Variants in CDK5RAP3 observed in about 807,000 individuals in gnomAD.
The protein encoded by CDK5RAP3 is CDK5 regulatory subunit-associated protein 3.
A neutral mutation model predicts 73.3 loss-of-function variants in CDK5RAP3; 58 were observed. That is an observed-to-expected ratio of 0.79 (90% CI 0.64 to 0.98). The LOEUF (loss-of-function observed/expected upper bound fraction) is 0.98, where lower values mean the gene tolerates loss of function less well. Among genes scored for constraint, CDK5RAP3 ranks in the 50% least tolerant of loss-of-function variants. The pLI, the probability that CDK5RAP3 is intolerant of heterozygous loss-of-function variation, is 0.00. For synonymous variants in CDK5RAP3, 224 were observed against 247.5 expected, an observed-to-expected ratio of 0.91 and a Z score of 0.89; for missense variants, 525 against 615.8, an observed-to-expected ratio of 0.85 and a Z score of 1.56.
chr17:47,973,224 G>T (rs1341633333), intron 2 of CDK5RAP3, among the ~76,000 whole-genome samples: 1 of 152,140 alleles, frequency 6.6e-6, no homozygotes, highest in Non-Finnish European at 1.5e-5. Context: ...ATATTATGGG[G>T]AATTGAGAAT....
chr17:47,976,702 C>T lies in CDK5RAP3; in HGVS notation c.799-10C>T, dbSNP rs202199464. ...TCTTCCATGAGCTAACACTCTCTTT[C>T]CCTTTCCAGATTGACTGGGGCGACT... is the stretch of plus-strand genomic sequence containing the variant. On this transcript the variant is annotated splice_polypyrimidine_tract_variant and intron_variant, in intron 8 of 13. Coordinates refer to ENST00000338399, the MANE Select transcript of CDK5RAP3 (RefSeq NM_176096.3). 1,656 of 1,583,514 alleles carry T rather than the reference C, an allele frequency of 1.0e-3. 2 individuals are homozygous for T. The highest frequency in any genetic ancestry group is 1.3e-3 in the Non-Finnish European group (1,525 of 1,153,956).
rs2036393944 is a variant in CDK5RAP3, at chr17:47,975,776, G to C, written c.654-93G>C. On this transcript the variant is annotated intron_variant, in intron 7 of 13. Coordinates refer to ENST00000338399, the MANE Select transcript of CDK5RAP3 (RefSeq NM_176096.3). ...CTCTTTACACACCTGAACCTGTGGG[G>C]GCCTTGCCCATTTGACCATGTGGCC... 4 of 1,594,762 alleles carry C rather than the reference G, an allele frequency of 2.5e-6. No individual in the cohort carries two copies. In the South Asian group the frequency reaches 4.5e-5, roughly 18 times the overall value.
intron 2 of CDK5RAP3, 109 bp downstream of exon 2, chr17:47,971,516 TGA>T: frequency 1.9e-6 from 2 of 1,079,504 alleles, no homozygotes; most frequent in Non-Finnish European, 2.6e-6. Flanking sequence ...GTCGAGATGC[TGA>T]CCACTGGCCT....
intron 5 of CDK5RAP3, 95 bp from the exon 6 acceptor site, chr17:47,975,064 G>A (rs991113915): frequency 3.7e-6 from 6 of 1,610,330 alleles, no homozygotes; most frequent in South Asian, 3.3e-5. Flanking sequence ...AGCTGACTTC[G>A]TGCTCTTCAC....
rs768398799 is a variant in CDK5RAP3, at chr17:47,975,183, G to A, written c.359G>A (p.Arg120Gln). 16 of 1,614,000 alleles carry A rather than the reference G, an allele frequency of 9.9e-6. No homozygotes were observed. The highest frequency in any genetic ancestry group is 4.4e-5 in the South Asian group (4 of 91,074). The stretch of plus-strand genomic sequence containing the variant: ...GTGGAACTCTCTAGCCTCCTGGTTC[G>A]GAATGTCAACTATGAGATCCCCTCA... ...YLVELSSLLV[R>Q]NVNYEIPSLK... Residue 120 changes from arginine (R) to glutamine (Q), a missense_variant, in exon 6 of 14, where the codon CGG (arginine) becomes CAG (glutamine). Around this residue, in one of 2 missense-constraint regions of CDK5RAP3, gnomAD observed 409 missense variants for 429.8 expected, o/e 0.95. Transcript: ENST00000338399.
intron 10 of CDK5RAP3, 71 bp downstream of exon 10, chr17:47,977,981 A>G (rs2875746): frequency 0.72 from 857,069 of 1,184,358 alleles, 312,138 homozygotes; most frequent in East Asian, 0.78. Flanking sequence ...CTAGAAACAA[A>G]AAATGCAGCG....
intron 4 of CDK5RAP3, 36 bp from the exon 5 acceptor site, chr17:47,974,364 T>C (rs1598220009): frequency 6.3e-7 from 1 of 1,591,058 alleles, no homozygotes; most frequent in Non-Finnish European, 8.6e-7. Flanking sequence ...GTCGAGTGCT[T>C]TTCTGGCTTA....
rs201973580 is a variant in CDK5RAP3 at position 47,974,009 on chromosome 17, G to T, written c.263G>T (p.Arg88Leu). 3,297 of 1,613,678 alleles carry T rather than the reference G, an allele frequency of 2.0e-3. 73 individuals carry two copies. The South Asian group carries it at 0.034, about 17-fold the overall frequency. ...GCCTCCACGAAGAATATTTTTGGCC[G>T]ATACTCTTCACAGCGGATGAAGGCA... ...TEASTKNIFG[R>L]YSSQRMKDWQ... The change falls in exon 4 of 14, where the codon CGA becomes CTA. Residue 88 changes from arginine to leucine, a missense_variant. Physicochemically the swap from Arg to Leu is moderately radical, Grantham distance 102. Around this residue, in one of 2 missense-constraint regions of CDK5RAP3, gnomAD observed 409 missense variants for 429.8 expected, o/e 0.95. Transcript: ENST00000338399.
intron 10 of CDK5RAP3, among the ~76,000 whole-genome samples, chr17:47,978,229 A>G (rs1472417685): frequency 2.0e-5 from 3 of 151,806 alleles, no homozygotes; most frequent in Admixed American, 1.3e-4. Context: ...ACCACCACGC[A>G]CAGCTAATTT....
At chr17:47,974,195 TG>T in intron 4 of CDK5RAP3, 164 bp downstream of exon 4, 1 of 707,426 alleles carries the variant, frequency 1.4e-6, no homozygotes, top group Non-Finnish European at 2.4e-6. Flanking sequence ...ATCCTATCCC[TG>T]AGTTTAATTT....
Position 47,971,377 on chromosome 17 carries a change from C to T in CDK5RAP3, c.22C>T (p.Pro8Ser). 6.2e-7 allele frequency: 1 copy of T among 1,610,456 alleles called. No homozygotes were observed. Among genetic ancestry groups the T allele is most frequent in the African/African-American group, 1.3e-5 (1 of 75,004 alleles). The change falls in exon 2 of 14, where the codon CCC becomes TCC. Residue 8 changes from proline to serine, a missense_variant. Around this residue, in one of 2 missense-constraint regions of CDK5RAP3, gnomAD observed 409 missense variants for 429.8 expected, o/e 0.95. Transcript: ENST00000338399. Reference sequence around the variant, plus strand: ...TTCCCGCCAGGACCATCAGCACGTGCCCATCGACATCCAGACCAGCAAGCT... The same window carrying T: ...TTCCCGCCAGGACCATCAGCACGTGTCCATCGACATCCAGACCAGCAAGCT... Reference protein sequence around the residue: MEDHQHVPIDIQTSKLLD... With the variant: MEDHQHVSIDIQTSKLLD...
At chr17:47,971,270 G>T in intron 1 of CDK5RAP3, 92 bp from the exon 2 acceptor site, 1 of 1,542,760 alleles carries the variant, frequency 6.5e-7, no homozygotes, top group Non-Finnish European at 8.8e-7. Context: ...TTCTGGCCCT[G>T]CAGGGTGGTG....
At chr17:47,978,591 C>G in intron 10 of CDK5RAP3, 1 of 511,634 alleles carries the variant, frequency 2.0e-6, no homozygotes, top group Non-Finnish European at 3.5e-6. Flanking sequence ...AGAGAGCCGG[C>G]CTTTCTACCC....
chr17:47,973,623 G>A lies in CDK5RAP3; in HGVS notation c.157G>A (p.Glu53Lys), dbSNP rs776632425. ...AAIQDMPESE[E>K]IAQLLSGSYI... is the part of the protein sequence containing the mutation. ...CATCCAGGACATGCCAGAGAGCGAA[G>A]AGATCGCCCAGCTGCTGTCTGGGTC... Residue 53 changes from glutamate to lysine, a missense_variant, in exon 3 of 14, where the codon GAG (glutamate) becomes AAG (lysine). Glu to Lys is a moderately conservative substitution (Grantham distance 56). Coordinates refer to ENST00000338399, the MANE Select transcript of CDK5RAP3 (RefSeq NM_176096.3). The A allele has an allele frequency of 1.2e-6, 2 of 1,614,172 alleles. No individual in the cohort carries two copies. The highest frequency in any genetic ancestry group is 2.2e-5 in the South Asian group (2 of 91,080).
upstream of CDK5RAP3, among the ~76,000 whole-genome samples, chr17:47,968,930 C>T (rs1450392224): frequency 1.3e-5 from 2 of 152,094 alleles, no homozygotes; most frequent in African/African-American, 4.8e-5. Flanking sequence ...GGATTACAGG[C>T]GTGAGCCACC....
Position 47,974,035 on chromosome 17 carries a change from A to G in CDK5RAP3, c.285+4A>G. On this transcript the variant is annotated splice_donor_region_variant and intron_variant, in intron 4 of 13. Transcript: ENST00000338399. Reference sequence around the variant, plus strand: ...ATACTCTTCACAGCGGATGAAGGCAAGTGTGGGCCAAGGGCCGGTAGTATG... The same window carrying G: ...ATACTCTTCACAGCGGATGAAGGCAGGTGTGGGCCAAGGGCCGGTAGTATG... 6.2e-7 allele frequency: 1 copy of G among 1,603,268 alleles called. No homozygotes were observed. Among genetic ancestry groups the G allele is most frequent in the Non-Finnish European group, 8.5e-7 (1 of 1,170,026 alleles).
Position 47,975,929 on chromosome 17 carries a change from G to A in CDK5RAP3, c.714G>A (p.Val238=). 1.9e-6 allele frequency: 3 copies of A among 1,614,220 alleles called. No homozygotes were observed. The highest frequency in any genetic ancestry group is 2.5e-6 in the Non-Finnish European group (3 of 1,180,038). The part of the protein sequence containing the change: ...RFVQKRGNST[V]YEWRTGTEPS... ...TGCAGAAGCGGGGAAACTCAACGGT[G>A]TACGAGTGGAGGACAGGGACAGAGC... Residue 238 remains valine, a synonymous_variant, in exon 8 of 14, where the codon GTG becomes GTA. Coordinates refer to ENST00000338399, the MANE Select transcript of CDK5RAP3 (RefSeq NM_176096.3).
chr17:47,980,517 T>C, intron 11 of CDK5RAP3, 76 bp from the exon 12 acceptor site: 1 of 1,349,082 alleles, frequency 7.4e-7, no homozygotes, highest in Non-Finnish European at 1.1e-6. Flanking sequence ...TCCTCCTGCC[T>C]TGGCCTCCCA....
At chr17:47,973,464 A>G (rs960934261) in intron 2 of CDK5RAP3, 55 bp from the exon 3 acceptor site, 4 of 1,591,990 alleles carry the variant, frequency 2.5e-6, no homozygotes, top group Non-Finnish European at 3.4e-6. Context: ...CGAATTAGTG[A>G]TGGAATTTTG....
Sources: gnomAD v4.1 joint callset for allele counts (sites outside exome capture counted in the v4.1 genomes callset) on GRCh38, gnomAD v4.1.1 for gene constraint, gnomAD v4.1.1 regional missense constraint, MANE v1.5 for transcripts, NCBI Gene and HGNC (gene_info 2026-07-23, HGNC 2026-07-21) for gene names.